Variants in PNKD observed in about 807,000 individuals in gnomAD.
PNKD encodes probable thioesterase PNKD.
PNKD carries 36 observed loss-of-function variants against 45.3 expected under a neutral mutation model. The observed-to-expected ratio is 0.80, with a 90% CI of 0.61 to 1.05. The LOEUF is 1.05. Ranked by LOEUF, PNKD falls within the 50% of genes least tolerant of loss-of-function variation. The pLI, the probability that PNKD is intolerant of heterozygous loss-of-function variation, is 0.00. For missense variants in PNKD, 511 were observed against 506.6 expected (o/e 1.01, Z -0.08); for synonymous variants, 197 against 210.1 (o/e 0.94, Z 0.54).
chr2:218,277,310 G>C, intron 2 of PNKD: 1 of 1,526,770 alleles, frequency 6.5e-7, no homozygotes, highest in Admixed American at 1.7e-5. Context: ...GCCGGGGTCC[G>C]GGCCTGATAA....
intron 2 of PNKD, among the ~76,000 whole-genome samples, chr2:218,271,828 C>G (rs1249619916): frequency 6.6e-6 from 1 of 152,078 alleles, no homozygotes; most frequent in African/African-American, 2.4e-5. Context: ...GAGTGAGACC[C>G]AAGTTTAAGT....
chr2:218,288,390 C>T (rs1692695624), intron 2 of PNKD, among the ~76,000 whole-genome samples: 1 of 152,042 alleles, frequency 6.6e-6, no homozygotes, highest in South Asian at 2.1e-4. Context: ...AATGGCGCCA[C>T]TGCACTCCAG....
intron 2 of PNKD, chr2:218,275,085 G>C (rs1574621890): frequency 6.2e-6 from 1 of 160,256 alleles, no homozygotes; most frequent in African/African-American, 2.4e-5. Flanking sequence ...GCCTGTGACA[G>C]AGGTGGGAGG....
At chr2:218,300,867 T>A (rs183777302) in intron 2 of PNKD, among the ~76,000 whole-genome samples, 184 of 152,286 alleles carry the variant, frequency 1.2e-3, no homozygotes, top group Non-Finnish European at 7.2e-4. Context: ...TTAATGGGAT[T>A]TTTAAATACT....
At position 218,344,543 on chromosome 2, in the gene PNKD, G is replaced by C. The variant is rs752603398; in HGVS notation, c.957G>C (p.Gln319His). 5 of 1,589,688 alleles carry C rather than the reference G, an allele frequency of 3.1e-6. No homozygotes were observed. The highest frequency in any genetic ancestry group is 4.3e-6 in the Non-Finnish European group (5 of 1,167,968). The change falls in exon 9 of 10, where the codon CAG (glutamine) becomes CAC (histidine). Residue 319 changes from glutamine (Q) to histidine (H), a missense_variant. Coordinates refer to ENST00000273077, the MANE Select transcript of PNKD (RefSeq NM_015488.5). ...LARERKMQWVQRQRLERKGTC... is the reference protein window; with the variant it reads ...LARERKMQWVHRQRLERKGTC... Reference sequence around the variant, plus strand: ...GGGAGAGGAAGATGCAGTGGGTGCAGCGGCAGCGGCTGGAGCGCAAGGGCA... The same window carrying C: ...GGGAGAGGAAGATGCAGTGGGTGCACCGGCAGCGGCTGGAGCGCAAGGGCA...
chr2:218,340,234 C>A lies in PNKD; in HGVS notation c.465+93C>A. Reference sequence around the variant, plus strand: ...GAGAGGGCTGACCCTTGTCCGTCTGCCCGTGGGATGTGTCCCATATGCTCC... The same window carrying A: ...GAGAGGGCTGACCCTTGTCCGTCTGACCGTGGGATGTGTCCCATATGCTCC... On this transcript the variant is annotated intron_variant, in intron 4 of 9. Transcript: ENST00000273077. This position sits in a 1 kb window ranked among gnomAD's most constrained non-coding sequence, Gnocchi z 4.2. The A allele has an allele frequency of 1.3e-6, 1 of 793,038 alleles. No individual in the cohort carries two copies. Among genetic ancestry groups the A allele is most frequent in the Non-Finnish European group, 2.2e-6 (1 of 451,770 alleles). The allele number at this position is 793,038 out of a possible 1,614,324, so 49.1% of individuals were successfully genotyped here.
At chr2:218,277,518 C>G in intron 2 of PNKD, 1 of 1,608,060 alleles carries the variant, frequency 6.2e-7, no homozygotes, top group Non-Finnish European at 8.5e-7. Flanking sequence ...TCAAAATCAC[C>G]ACTTCCAGAG....
intron 2 of PNKD, among the ~76,000 whole-genome samples, chr2:218,329,896 G>C (rs1694269390): frequency 6.6e-6 from 1 of 152,238 alleles, no homozygotes; most frequent in South Asian, 2.1e-4. Context: ...TGGCCCTCCA[G>C]GTCCCTCAGC....
chr2:218,316,268 C>CTTTTTTTTTTTTTT (rs397972881), intron 2 of PNKD, among the ~76,000 whole-genome samples: 2 of 119,586 alleles, frequency 1.7e-5, no homozygotes, highest in Non-Finnish European at 3.3e-5. Context: ...TTCTTTCTTT[C>CTTTTTTTTTTTTTT]TTTTTTTTTT....
chr2:218,321,663 C>T (rs1317197767), intron 2 of PNKD, among the ~76,000 whole-genome samples: 1 of 108,952 alleles, frequency 9.2e-6, no homozygotes, highest in Admixed American at 1.3e-4. Flanking sequence ...AGTCTCACCC[C>T]TGTCACCTAG....
intron 8 of PNKD, 66 bp downstream of exon 8, chr2:218,343,652 C>T (rs1296041871): frequency 1.5e-5 from 17 of 1,171,930 alleles, no homozygotes; most frequent in Non-Finnish European, 2.1e-5. Flanking sequence ...AGGGCCTTCC[C>T]ACCCCCTCAC....
At chr2:218,336,361 A>G (rs1694493013) in intron 2 of PNKD, among the ~76,000 whole-genome samples, 1 of 152,196 alleles carries the variant, frequency 6.6e-6, no homozygotes, top group African/African-American at 2.4e-5. Flanking sequence ...AATTATTAGC[A>G]GGAATTTTAC....
intron 2 of PNKD, among the ~76,000 whole-genome samples, chr2:218,304,192 T>C (rs1331908225): frequency 2.6e-5 from 4 of 152,252 alleles, no homozygotes; most frequent in Admixed American, 2.6e-4. Context: ...TCGCTCTTGT[T>C]GCCCAGGCTG....
At chr2:218,315,840 A>G (rs1693797126) in intron 2 of PNKD, among the ~76,000 whole-genome samples, 2 of 152,196 alleles carry the variant, frequency 1.3e-5, no homozygotes, top group South Asian at 4.1e-4. Flanking sequence ...TCCCTCTGTC[A>G]CTGTTAACTA....
intron 2 of PNKD, chr2:218,272,440 CAG>C: frequency 1.2e-6 from 1 of 835,072 alleles, no homozygotes; most frequent in Non-Finnish European, 2.0e-6. Context: ...GCAGCCAGCA[CAG>C]AGGATGAATA....
At position 218,339,771 on chromosome 2, in the gene PNKD, C is replaced by T. The variant is rs1694612943; in HGVS notation, c.237-12C>T. 1 of 1,573,678 alleles carries T rather than the reference C, an allele frequency of 6.4e-7. No homozygotes were observed. The highest frequency in any genetic ancestry group is 8.7e-7 in the Non-Finnish European group (1 of 1,143,486). The stretch of plus-strand genomic sequence containing the variant: ...GAAAAGGCTAATCATAGGCCACCCA[C>T]TCGCCCTCTAGGTACAGCCTGTACA... On this transcript the variant is annotated splice_polypyrimidine_tract_variant and intron_variant, in intron 2 of 9. Coordinates refer to ENST00000273077, the MANE Select transcript of PNKD (RefSeq NM_015488.5).
chr2:218,300,609 G>T (rs554442319), intron 2 of PNKD, among the ~76,000 whole-genome samples: 1 of 150,278 alleles, frequency 6.7e-6, no homozygotes. Flanking sequence ...GCAGTGGTGC[G>T]ATCTCAGCTC....
intron 2 of PNKD, chr2:218,276,985 G>C: frequency 6.2e-7 from 1 of 1,608,310 alleles, no homozygotes; most frequent in East Asian, 2.2e-5. Flanking sequence ...CCTGACCCCA[G>C]CTCTCCTGGG....
At chr2:218,275,397 C>T (rs1344440675) in intron 2 of PNKD, 2 of 1,524,522 alleles carry the variant, frequency 1.3e-6, no homozygotes, top group Middle Eastern at 2.0e-4. Context: ...GGCCTAAAGC[C>T]CAGACCACAG....
Sources: gnomAD v4.1 joint callset for allele counts (sites outside exome capture counted in the v4.1 genomes callset) on GRCh38, gnomAD v4.1.1 for gene constraint, Gnocchi (gnomAD v3.1) non-coding constraint, MANE v1.5 for transcripts, NCBI Gene and HGNC (gene_info 2026-07-23, HGNC 2026-07-21) for gene names.